The following KLF7 variants were observed in gnomAD, a reference collection of about 807,000 sequenced individuals.
KLF7 encodes Krueppel-like factor 7.
In KLF7, 2 loss-of-function variants were observed where a neutral mutation model predicts 27.3. The ratio of observed to expected loss-of-function variants is 0.07; its 90% CI spans 0.03 to 0.23. The LOEUF (loss-of-function observed/expected upper bound fraction) is 0.23, where lower values mean the gene tolerates loss of function less well. Among genes scored for constraint, KLF7 ranks in the 10% least tolerant of loss-of-function variants. KLF7 has a pLI of 1.00. For missense variants in KLF7, 221 were observed against 394.1 expected (o/e 0.56, Z 3.72); for synonymous variants, 165 against 162.4 (o/e 1.02, Z -0.12).
chr2:207,131,329 G>A (rs1349690043), intron 1 of KLF7, among the ~76,000 whole-genome samples: 1 of 152,216 alleles, frequency 6.6e-6, no homozygotes, highest in Non-Finnish European at 1.5e-5. Flanking sequence ...TTTGTCACAT[G>A]CTATTAACCA....
upstream of KLF7, among the ~76,000 whole-genome samples, chr2:207,172,083 C>T (rs1165186928): frequency 6.6e-6 from 1 of 152,124 alleles, no homozygotes; most frequent in African/African-American, 2.4e-5. Context: ...TTGGGAGAGC[C>T]ACTAAAGCAG....
intron 2 of KLF7, among the ~76,000 whole-genome samples, chr2:207,089,757 G>A (rs1425683146): frequency 6.6e-6 from 1 of 152,100 alleles, no homozygotes; most frequent in Non-Finnish European, 1.5e-5. Flanking sequence ...AGGGTTTAGA[G>A]AAGATAAATC....
At chr2:207,170,658 C>G (rs565973864), upstream of KLF7, among the ~76,000 whole-genome samples, 1 of 151,996 alleles carries the variant, frequency 6.6e-6, no homozygotes, top group South Asian at 2.1e-4. Flanking sequence ...GTTGTAGGGC[C>G]CTTAAGAATT....
intron 1 of KLF7, chr2:207,134,154 AT>A (rs35538720): frequency 0.066 from 74,138 of 1,129,784 alleles, 9 homozygotes; most frequent in Middle Eastern, 0.1. Context: ...GGCTACTGGG[AT>A]TTTTTTTTTT....
chr2:207,138,506 T>C (rs181585486), intron 1 of KLF7, among the ~76,000 whole-genome samples: 3 of 152,312 alleles, frequency 2.0e-5, no homozygotes, highest in East Asian at 1.9e-4. Flanking sequence ...CATATATTCA[T>C]TGAAACCACT....
At chr2:207,095,142 G>A (rs544323697) in intron 2 of KLF7, among the ~76,000 whole-genome samples, 42 of 137,098 alleles carry the variant, frequency 3.1e-4, no homozygotes, top group Non-Finnish European at 4.6e-4. Context: ...CTGGGTTCAC[G>A]CCATTCTCCT....
chr2:207,130,668 AT>A (rs768945404), intron 1 of KLF7, among the ~76,000 whole-genome samples: 1 of 152,198 alleles, frequency 6.6e-6, no homozygotes, highest in Non-Finnish European at 1.5e-5. Context: ...AGCCTCTTCA[AT>A]ACCATCACTT....
At chr2:207,154,562 T>C (rs78616705) in intron 1 of KLF7, among the ~76,000 whole-genome samples, 4,533 of 152,304 alleles carry the variant, frequency 0.03, 98 homozygotes, top group Middle Eastern at 0.051. Context: ...CGCTTTCCCC[T>C]GCCTTCCATC....
chr2:207,083,448 T>C (rs2543595), intron 3 of KLF7, among the ~76,000 whole-genome samples: 34,307 of 152,114 alleles, frequency 0.23, 4,136 homozygotes, highest in South Asian at 0.29. Context: ...AAGATCCCTA[T>C]AAAGAAGGTA....
upstream of KLF7, among the ~76,000 whole-genome samples, chr2:207,170,001 C>G (rs1377666778): frequency 6.6e-6 from 1 of 151,958 alleles, no homozygotes; most frequent in Admixed American, 6.6e-5. Context: ...AGTGACATAT[C>G]TCTTTAAATC....
chr2:207,127,801 C>G (rs923259985), intron 1 of KLF7, among the ~76,000 whole-genome samples: 4 of 152,094 alleles, frequency 2.6e-5, no homozygotes, highest in East Asian at 1.9e-4. Context: ...CAAGATTGCA[C>G]CACTGCACTC....
rs1356963922 is a variant in KLF7 at position 207,163,211 on chromosome 2, G to GTT, written c.102+2254_102+2255dup. ...ATAAAGCTCACTGGAGTGATATATT[G>GTT]TTTATTAGTGCTTCCCCACAAGCTA... On this transcript the variant is annotated intron_variant, in intron 1 of 3. Transcript: ENST00000309446. Among the ~76,000 whole-genome samples the GTT allele has an allele frequency of 2.6e-5, 4 of 152,216 alleles. No individual in the cohort carries two copies. In the East Asian group the frequency reaches 7.7e-4, roughly 29 times the overall value.
chr2:207,124,304 G>T lies in KLF7; in HGVS notation c.203C>A (p.Pro68Gln). Reference sequence around the variant, plus strand: ...GCGACGGAAGCTTTCCTCAATGCACGGGGGAGGGGAAGCGTGGAGGAAACA... The same window carrying T: ...GCGACGGAAGCTTTCCTCAATGCACTGGGGAGGGGAAGCGTGGAGGAAACA... ...LDCFLHASPP[P>Q]CIEESFRRLD... Residue 68 changes from proline to glutamine, a missense_variant, in exon 2 of 4, where the codon CCG becomes CAG. By Grantham distance (76) the Pro-to-Gln change is moderately conservative (BLOSUM62 -1). This residue lies in a region of KLF7 where 180 missense variants were observed against 227.9 expected (regional missense o/e 0.79). Coordinates refer to ENST00000309446, the MANE Select transcript of KLF7 (RefSeq NM_003709.4). 2 of 1,613,546 alleles carry T rather than the reference G, an allele frequency of 1.2e-6. No homozygotes were observed. Among genetic ancestry groups the T allele is most frequent in the Non-Finnish European group, 1.7e-6 (2 of 1,179,558 alleles).
At chr2:207,124,608 A>G (rs1389396924) in intron 1 of KLF7, among the ~76,000 whole-genome samples, 1 of 152,184 alleles carries the variant, frequency 6.6e-6, no homozygotes, top group Non-Finnish European at 1.5e-5. Flanking sequence ...GATGATTTCA[A>G]TTACTCTAGC....
chr2:207,084,399 A>G (rs375758230), intron 3 of KLF7, among the ~76,000 whole-genome samples: 2 of 152,198 alleles, frequency 1.3e-5, no homozygotes, highest in Admixed American at 1.3e-4. Context: ...ATTTAGCAAT[A>G]TATGTATAAG....
chr2:207,141,346 G>A (rs762831527), intron 1 of KLF7, among the ~76,000 whole-genome samples: 7 of 152,164 alleles, frequency 4.6e-5, no homozygotes, highest in Non-Finnish European at 8.8e-5. Context: ...GGGTGCTGCA[G>A]TAGGTAGATG....
intron 3 of KLF7, among the ~76,000 whole-genome samples, chr2:207,083,998 T>C (rs555171542): frequency 6.6e-6 from 1 of 152,314 alleles, no homozygotes; most frequent in South Asian, 2.1e-4. Flanking sequence ...GTGAGACTTG[T>C]GTTGGACTTC....
At chr2:207,085,406 T>G (rs1233275974) in intron 3 of KLF7, among the ~76,000 whole-genome samples, 1 of 152,120 alleles carries the variant, frequency 6.6e-6, no homozygotes, top group Non-Finnish European at 1.5e-5. Flanking sequence ...AATGAGGGCC[T>G]GCATGTTACC....
intron 2 of KLF7, among the ~76,000 whole-genome samples, chr2:207,099,896 A>G (rs1322725277): frequency 6.6e-6 from 1 of 152,172 alleles, no homozygotes; most frequent in Non-Finnish European, 1.5e-5. Context: ...TTGGGAGGCC[A>G]TAGCAGGCAG....
Sources: gnomAD v4.1 joint callset for allele counts (sites outside exome capture counted in the v4.1 genomes callset) on GRCh38, gnomAD v4.1.1 for gene constraint, gnomAD v4.1.1 regional missense constraint, MANE v1.5 for transcripts, NCBI Gene and HGNC (gene_info 2026-07-23, HGNC 2026-07-21) for gene names.